The following ARL15 variants were observed in gnomAD, a reference collection of about 807,000 sequenced individuals.
The protein encoded by ARL15 is ARF like GTPase 15, also known as ADP-ribosylation factor-like protein 15.
ARL15 carries 19 observed loss-of-function variants against 25.2 expected under a neutral mutation model. That is an observed-to-expected ratio of 0.75 (90% CI 0.53 to 1.10). ARL15 has a LOEUF of 1.10. ARL15 is among the 50% of genes least tolerant of loss of function. The pLI is 0.00. For synonymous variants in ARL15, 94 were observed against 86.8 expected (o/e 1.08, Z -0.46); for missense variants, 220 against 246.0 (o/e 0.89, Z 0.71).
intron 4 of ARL15, among the ~76,000 whole-genome samples, chr5:54,105,281 A>T (rs1413797323): frequency 1.3e-5 from 2 of 152,004 alleles, no homozygotes; most frequent in East Asian, 3.9e-4. Context: ...GCCTCAAATC[A>T]GCCATTGCCT....
At chr5:54,120,208 TGAGTA>T (rs907147098) in intron 3 of ARL15, among the ~76,000 whole-genome samples, 2 of 152,226 alleles carry the variant, frequency 1.3e-5, no homozygotes, top group African/African-American at 4.8e-5. Flanking sequence ...GGTGGTGGCT[TGAGTA>T]AAGTTATTAG....
chr5:54,167,276 C>G (rs1487524870), intron 2 of ARL15, among the ~76,000 whole-genome samples: 1 of 152,138 alleles, frequency 6.6e-6, no homozygotes, highest in Admixed American at 6.6e-5. Flanking sequence ...CTGTACAACT[C>G]TTTTCTCTGG....
At chr5:54,070,378 C>A (rs1033040458) in intron 4 of ARL15, among the ~76,000 whole-genome samples, 3 of 150,998 alleles carry the variant, frequency 2.0e-5, no homozygotes, top group African/African-American at 7.3e-5. Context: ...GGCGACAGAG[C>A]GAGACTCCGT....
intron 1 of ARL15, among the ~76,000 whole-genome samples, chr5:54,229,768 G>A (rs1352835045): frequency 6.6e-6 from 1 of 152,134 alleles, no homozygotes. Context: ...TTTTAATTGT[G>A]GTCATTGCTC....
chr5:53,930,937 T>C (rs1174258531), intron 4 of ARL15, among the ~76,000 whole-genome samples: 1 of 152,240 alleles, frequency 6.6e-6, no homozygotes, highest in Non-Finnish European at 1.5e-5. Flanking sequence ...CATGATTTTA[T>C]TTATTTTTTA....
chr5:54,234,304 A>G (rs997330776), intron 1 of ARL15, among the ~76,000 whole-genome samples: 2 of 151,912 alleles, frequency 1.3e-5, no homozygotes, highest in African/African-American at 4.8e-5. Flanking sequence ...TACTATTGTT[A>G]TTTTTAAATG....
intron 4 of ARL15, among the ~76,000 whole-genome samples, chr5:54,085,870 C>G (rs1289989429): frequency 2.0e-5 from 3 of 151,402 alleles, no homozygotes; most frequent in South Asian, 2.1e-4. Context: ...GACTGAAATA[C>G]CTATATTCTC....
intron 4 of ARL15, among the ~76,000 whole-genome samples, chr5:54,111,003 C>T (rs1752723556): frequency 6.6e-6 from 1 of 151,862 alleles, no homozygotes; most frequent in African/African-American, 2.4e-5. Flanking sequence ...CTTTTTAGGC[C>T]AGACCCAAAG....
intron 4 of ARL15, among the ~76,000 whole-genome samples, chr5:54,092,961 T>C (rs1752174765): frequency 6.6e-6 from 1 of 152,228 alleles, no homozygotes; most frequent in African/African-American, 2.4e-5. Context: ...GAAGGTGGCA[T>C]TCATACATTT....
chr5:53,982,949 T>C (rs1160007610), intron 4 of ARL15, among the ~76,000 whole-genome samples: 3 of 152,196 alleles, frequency 2.0e-5, no homozygotes, highest in Non-Finnish European at 2.9e-5. Context: ...ATGATGACTT[T>C]TTCATATGTT....
intron 4 of ARL15, among the ~76,000 whole-genome samples, chr5:53,956,040 T>C (rs1380817593): frequency 6.6e-6 from 1 of 152,054 alleles, no homozygotes; most frequent in Non-Finnish European, 1.5e-5. Context: ...AAAGTGTCTA[T>C]ATATACTAGA....
At chr5:54,059,868 A>T (rs2112025094) in intron 4 of ARL15, among the ~76,000 whole-genome samples, 1 of 152,270 alleles carries the variant, frequency 6.6e-6, no homozygotes, top group South Asian at 2.1e-4. Context: ...TTCTACTTAT[A>T]ACCAAATATT....
intron 4 of ARL15, among the ~76,000 whole-genome samples, chr5:53,900,613 T>C (rs1361674515): frequency 2.0e-5 from 3 of 152,046 alleles, no homozygotes; most frequent in African/African-American, 7.2e-5. Flanking sequence ...GGATACTTAT[T>C]TGAAAAAAAT....
chr5:54,202,375 TAAGCAGA>T (rs900837309), intron 1 of ARL15, among the ~76,000 whole-genome samples: 5 of 152,170 alleles, frequency 3.3e-5, no homozygotes, highest in Non-Finnish European at 4.4e-5. Flanking sequence ...CAATTGTCCT[TAAGCAGA>T]AAGGAGGAAG....
intron 4 of ARL15, among the ~76,000 whole-genome samples, chr5:53,912,961 T>G (rs923068945): frequency 1.3e-5 from 2 of 152,122 alleles, no homozygotes; most frequent in Non-Finnish European, 1.5e-5. Flanking sequence ...CATAAAGTAC[T>G]AGGAAGATGA....
intron 4 of ARL15, among the ~76,000 whole-genome samples, chr5:54,000,948 G>A (rs1424472428): frequency 6.6e-6 from 1 of 152,112 alleles, no homozygotes; most frequent in Non-Finnish European, 1.5e-5. Context: ...GGCTCAGAAG[G>A]GCTCTGGGCT....
chr5:54,129,579 T>C (rs1354939434), intron 3 of ARL15, among the ~76,000 whole-genome samples: 5 of 152,200 alleles, frequency 3.3e-5, no homozygotes, highest in African/African-American at 1.2e-4. Context: ...GCAGTTCAGA[T>C]TTAATGTAGC....
At chr5:54,105,294 G>A (rs1265751709) in intron 4 of ARL15, among the ~76,000 whole-genome samples, 1 of 151,890 alleles carries the variant, frequency 6.6e-6, no homozygotes, top group African/African-American at 2.4e-5. Flanking sequence ...CATTGCCTTT[G>A]TTGAATGAGG....
At chr5:53,901,944 T>C (rs918455835) in intron 4 of ARL15, among the ~76,000 whole-genome samples, 7 of 152,336 alleles carry the variant, frequency 4.6e-5, no homozygotes, top group South Asian at 4.1e-4. Flanking sequence ...TTTCCCACCA[T>C]AGCCTTTGAT....
Sources: allele counts gnomAD v4.1 joint callset (sites outside exome capture counted in the v4.1 genomes callset), GRCh38; gene constraint gnomAD v4.1.1; transcripts MANE v1.5; gene names NCBI Gene and HGNC (gene_info 2026-07-23, HGNC 2026-07-21).